The following MTMR9 variants were observed in gnomAD, a reference collection of about 807,000 sequenced individuals.
MTMR9 encodes the protein myotubularin-related protein 9.
A neutral mutation model predicts 69.5 loss-of-function variants in MTMR9; 39 were observed. The ratio of observed to expected loss-of-function variants is 0.56; its 90% CI spans 0.43 to 0.73. The LOEUF (loss-of-function observed/expected upper bound fraction) is 0.73, where lower values mean the gene tolerates loss of function less well. Among genes scored for constraint, MTMR9 ranks in the 30% least tolerant of loss-of-function variants. The pLI is 0.00. For missense variants in MTMR9, 900 were observed against 671.2 expected, an observed-to-expected ratio of 1.34 and a Z score of -3.77; for synonymous variants, 354 against 240.8, an observed-to-expected ratio of 1.47 and a Z score of -4.35.
rs186730998 is a variant in MTMR9, at chr8:11,304,387, A to G, written c.418-454A>G. Among the ~76,000 whole-genome samples the G allele has an allele frequency of 2.0e-5, 3 of 152,326 alleles. No homozygotes were observed. The East Asian group carries it at 5.8e-4, about 29-fold the overall frequency. On this transcript the variant is annotated intron_variant, in intron 3 of 9. Coordinates refer to ENST00000221086, the MANE Select transcript of MTMR9 (RefSeq NM_015458.4). ...CTTTAAGAGGATCATTAACAAACTAAATGGGACCCAGAAAAGGAAGAAGTA... is the reference window on the plus strand; with the variant it reads ...CTTTAAGAGGATCATTAACAAACTAGATGGGACCCAGAAAAGGAAGAAGTA...
rs1056867358 is a variant in MTMR9 at position 11,295,196 on chromosome 8, T to A, written c.185T>A (p.Phe62Tyr). ...HSNIDAIDKR[F>Y]VGSLGTIIIK... is the part of the protein sequence containing the mutation. The stretch of plus-strand genomic sequence containing the variant: ...ACATGATTTGCAATTTCTTACAGAT[T>A]TGTAGGATCACTGGGTACCATCATC... The change falls in exon 2 of 10, where the codon TTT becomes TAT. Residue 62 changes from phenylalanine to tyrosine, a missense_variant and splice_region_variant. Transcript: ENST00000221086. 29 of 1,569,584 alleles carry A rather than the reference T, an allele frequency of 1.8e-5. No homozygotes were observed. Among genetic ancestry groups the A allele is most frequent in the Non-Finnish European group, 2.5e-5 (29 of 1,143,204 alleles).
chr8:11,323,068 G>T lies in MTMR9; in HGVS notation c.*280G>T. The T allele has an allele frequency of 4.2e-6, 1 of 240,590 alleles. No individual in the cohort carries two copies. Among genetic ancestry groups the T allele is most frequent in the Non-Finnish European group, 7.9e-6 (1 of 125,866 alleles). 14.9% of individuals were successfully genotyped at this position (240,590 alleles called of 1,614,324 possible). A position where few individuals can be genotyped will look rare whatever the true frequency, so the allele number is the denominator to read the frequency against. ...ATAGATGACCTATTTAATGCCATTT[G>T]TGTTTCATGCCATTTTATCCAAAGC... On this transcript the variant is annotated 3_prime_UTR_variant, in exon 10 of 10. Transcript: ENST00000221086.
chr8:11,315,293 T>A (rs1483363564), intron 7 of MTMR9, among the ~76,000 whole-genome samples: 1 of 152,184 alleles, frequency 6.6e-6, no homozygotes, highest in Admixed American at 6.5e-5. Context: ...TGGCTGTGCT[T>A]TATCACATAC....
chr8:11,309,222 C>T (rs1054896144), intron 5 of MTMR9, among the ~76,000 whole-genome samples: 1 of 152,106 alleles, frequency 6.6e-6, no homozygotes, highest in Non-Finnish European at 1.5e-5. Flanking sequence ...GGTGCTGTGT[C>T]TCCTGACCTG....
At position 11,327,537 on chromosome 8, in the gene MTMR9, T is replaced by C. The variant is rs1454486750; in HGVS notation, c.*4749T>C. 6.6e-6 allele frequency: 1 copy of C among 152,612 alleles called. No individual in the cohort carries two copies. Among genetic ancestry groups the C allele is most frequent in the Non-Finnish European group, 1.5e-5 (1 of 68,038 alleles). The allele number at this position is 152,612 out of a possible 1,614,324, so 9.5% of individuals were successfully genotyped here. On this transcript the variant is annotated 3_prime_UTR_variant, in exon 10 of 10. Coordinates refer to ENST00000221086, the MANE Select transcript of MTMR9 (RefSeq NM_015458.4). ...TCTACAAAATGCACCCTAAATCTCA[T>C]TGTTTAAAACCTTACTGATCTAATA...
At chr8:11,307,808 G>T (rs182768904) in intron 5 of MTMR9, among the ~76,000 whole-genome samples, 1 of 152,114 alleles carries the variant, frequency 6.6e-6, no homozygotes, top group African/African-American at 2.4e-5. Flanking sequence ...GTGATGCAGA[G>T]CATTTTTTTT....
rs112219072 is a variant in MTMR9 at position 11,309,036 on chromosome 8, T to C, written c.810-491T>C. Among the ~76,000 whole-genome samples the C allele has an allele frequency of 3.9e-3, 589 of 152,330 alleles. 5 individuals are homozygous for C. The highest frequency in any genetic ancestry group is 0.013 in the African/African-American group (531 of 41,576). ...CATATCGACCTATTTTCGCACAGTT[T>C]CCTCCACCTATTGTCTCTTGTTTGT... On this transcript the variant is annotated intron_variant, in intron 5 of 9. Transcript: ENST00000221086.
chr8:11,291,683 T>C (rs1799385209), intron 1 of MTMR9, among the ~76,000 whole-genome samples: 1 of 151,980 alleles, frequency 6.6e-6, no homozygotes, highest in Non-Finnish European at 1.5e-5. Context: ...TTATACTTTA[T>C]AGCAACTACA....
At chr8:11,336,635 A>T in the MTMR9 span, among the ~76,000 whole-genome samples, 1 of 152,228 alleles carries the variant, frequency 6.6e-6, no homozygotes, top group East Asian at 1.9e-4. Flanking sequence ...ATGCCAGGAA[A>T]GTAAGCAAAT....
At chr8:11,299,968 T>C in intron 2 of MTMR9, 55 bp from the exon 3 acceptor site, 2 of 1,579,834 alleles carry the variant, frequency 1.3e-6, no homozygotes, top group Non-Finnish European at 1.7e-6. Flanking sequence ...TCAGTTAGAA[T>C]ATGTTTCCAG....
chr8:11,334,954 A>G, the MTMR9 span, among the ~76,000 whole-genome samples: 1 of 152,248 alleles, frequency 6.6e-6, no homozygotes, highest in East Asian at 1.9e-4. Context: ...GACAAAGAAC[A>G]TCTTAAAAAA....
Position 11,324,126 on chromosome 8 carries a change from A to G in MTMR9, c.*1338A>G, listed in dbSNP as rs1039546207. 6.6e-6 allele frequency: 1 copy of G among 152,220 alleles called. No homozygotes were observed. Among genetic ancestry groups the G allele is most frequent in the Non-Finnish European group, 1.5e-5 (1 of 68,042 alleles). 9.4% of individuals were successfully genotyped at this position (152,220 alleles called of 1,614,324 possible). A position where few individuals can be genotyped will look rare whatever the true frequency, so the allele number is the denominator to read the frequency against. ...AAAACCATTTCCATACCATCTGTAT[A>G]TAACCATTTCGGTAGAGAACACACT... On this transcript the variant is annotated 3_prime_UTR_variant, in exon 10 of 10. Coordinates refer to ENST00000221086, the MANE Select transcript of MTMR9 (RefSeq NM_015458.4).
At chr8:11,336,932 C>G in the MTMR9 span, among the ~76,000 whole-genome samples, 5 of 152,166 alleles carry the variant, frequency 3.3e-5, no homozygotes, top group African/African-American at 1.2e-4. Flanking sequence ...ACTCCCAGTT[C>G]ATAATGAGTA....
At chr8:11,320,079 TG>T (rs1800611213) in intron 9 of MTMR9, 1 of 425,560 alleles carries the variant, frequency 2.3e-6, no homozygotes, top group African/African-American at 2.0e-5. Context: ...CTGTTTATGT[TG>T]GATATTTTTC....
chr8:11,290,691 C>A (rs985126004), intron 1 of MTMR9, among the ~76,000 whole-genome samples: 1 of 152,046 alleles, frequency 6.6e-6, no homozygotes, highest in African/African-American at 2.4e-5. Flanking sequence ...ACGTGACAAC[C>A]CAACCTTGGC....
At chr8:11,332,809 C>G, downstream of MTMR9, among the ~76,000 whole-genome samples, 1 of 152,122 alleles carries the variant, frequency 6.6e-6, no homozygotes, top group Non-Finnish European at 1.5e-5. Flanking sequence ...ACTATGTTGG[C>G]CAGGCTGGTC....
chr8:11,292,596 T>C (rs774567226), intron 1 of MTMR9, among the ~76,000 whole-genome samples: 10 of 152,320 alleles, frequency 6.6e-5, no homozygotes, highest in Admixed American at 1.3e-4. Flanking sequence ...TGACTAGTGG[T>C]GTAGGGCATC....
chr8:11,330,266 G>A (rs1283078405), downstream of MTMR9, among the ~76,000 whole-genome samples: 2 of 151,418 alleles, frequency 1.3e-5, no homozygotes, highest in African/African-American at 2.4e-5. Flanking sequence ...CCCCCCACCG[G>A]CCAGCCGCCC....
intron 1 of MTMR9, among the ~76,000 whole-genome samples, chr8:11,286,175 A>C (rs1004130577): frequency 6.6e-6 from 1 of 151,336 alleles, no homozygotes; most frequent in Non-Finnish European, 1.5e-5. Flanking sequence ...GCTGGTCTTG[A>C]ACTCCTGACC....
Sources: gnomAD v4.1 joint callset for allele counts (sites outside exome capture counted in the v4.1 genomes callset) on GRCh38, gnomAD v4.1.1 for gene constraint, MANE v1.5 for transcripts, NCBI Gene and HGNC (gene_info 2026-07-23, HGNC 2026-07-21) for gene names.